Variants in C11orf65 observed in about 807,000 individuals in gnomAD.
C11orf65 encodes the protein chromosome 11 open reading frame 65.
In C11orf65, 38 loss-of-function variants were observed where a neutral mutation model predicts 35.3. The ratio of observed to expected loss-of-function variants is 1.08; its 90% confidence interval spans 0.83 to 1.41. The LOEUF (loss-of-function observed/expected upper bound fraction) is 1.41. C11orf65 is among the 40% of genes most tolerant of loss of function. The pLI, the probability that C11orf65 is intolerant of heterozygous loss-of-function variation, is 0.00. For missense variants in C11orf65, 370 were observed against 367.1 expected (o/e 1.01, Z -0.06); for synonymous variants, 105 against 114.4 (o/e 0.92, Z 0.53).
chr11:108,345,680 T>C (rs1379618899), intron 2 of C11orf65: 1 of 1,277,630 alleles, frequency 7.8e-7, no homozygotes, highest in Non-Finnish European at 1.1e-6. Context: ...TATATAAAAA[T>C]GTGTATATTA....
At chr11:108,460,111 AAC>A (rs1031631897) in intron 2 of C11orf65, among the ~76,000 whole-genome samples, 8 of 152,198 alleles carry the variant, frequency 5.3e-5, no homozygotes, top group Non-Finnish European at 5.9e-5. Context: ...ATCTTAAAAA[AAC>A]ACATATTATT....
At chr11:108,408,944 A>G (rs2092607250) in intron 3 of C11orf65, among the ~76,000 whole-genome samples, 1 of 152,016 alleles carries the variant, frequency 6.6e-6, no homozygotes, top group African/African-American at 2.4e-5. Context: ...TCTCTTGACT[A>G]AAACTTTTAT....
upstream of C11orf65, among the ~76,000 whole-genome samples, chr11:108,468,594 G>A (rs186757640): frequency 4.3e-4 from 65 of 152,262 alleles, 1 homozygote; most frequent in East Asian, 0.011. Context: ...CATTTGTACA[G>A]AAAAAATTCT....
intron 1 of C11orf65, chr11:108,462,430 C>T (rs1392500747): frequency 6.6e-6 from 1 of 152,178 alleles, no homozygotes; most frequent in Non-Finnish European, 1.5e-5. Context: ...ACAGATTTTG[C>T]TAATATGCTT....
downstream of C11orf65, among the ~76,000 whole-genome samples, chr11:108,378,036 C>T (rs1246282492): frequency 5.5e-3 from 831 of 150,174 alleles, 8 homozygotes; most frequent in African/African-American, 0.019. Flanking sequence ...GAATCAATAT[C>T]GTGAAAATGG....
intron 2 of C11orf65, among the ~76,000 whole-genome samples, chr11:108,362,971 AAAC>A (rs1375522608): frequency 1.3e-5 from 2 of 149,616 alleles, no homozygotes; most frequent in African/African-American, 2.5e-5. Flanking sequence ...CTAAAAAAAC[AAAC>A]AACAAAACAA....
intron 7 of C11orf65, among the ~76,000 whole-genome samples, chr11:108,389,855 C>T (rs1303878285): frequency 4.0e-5 from 6 of 151,586 alleles, no homozygotes; most frequent in African/African-American, 4.8e-5. Context: ...CCACCACGCC[C>T]GGCTAATTTT....
intron 2 of C11orf65, chr11:108,354,936 CAGGA>C: frequency 7.5e-7 from 1 of 1,338,090 alleles, no homozygotes; most frequent in Non-Finnish European, 1.1e-6. Flanking sequence ...TGTATCTCAT[CAGGA>C]AGTCACTGAT....
chr11:108,347,244 A>T (rs1019086453), intron 2 of C11orf65: 1 of 1,409,868 alleles, frequency 7.1e-7, no homozygotes, highest in African/African-American at 1.4e-5. Flanking sequence ...AGATGGAATC[A>T]GTGATTTCAG....
chr11:108,358,470 A>T (rs2090310714), intron 2 of C11orf65, among the ~76,000 whole-genome samples: 2 of 151,004 alleles, frequency 1.3e-5, no homozygotes, highest in African/African-American at 4.9e-5. Context: ...CTTTGAGAAG[A>T]GCAACTCCAA....
chr11:108,395,679 G>A (rs1412038325), intron 6 of C11orf65, among the ~76,000 whole-genome samples: 1 of 136,298 alleles, frequency 7.3e-6, no homozygotes, highest in Non-Finnish European at 1.5e-5. Flanking sequence ...GGAGTGCAGT[G>A]GCGCCATCTC....
At chr11:108,349,557 G>A (rs1016181405) in intron 2 of C11orf65, among the ~76,000 whole-genome samples, 2 of 152,138 alleles carry the variant, frequency 1.3e-5, no homozygotes, top group Non-Finnish European at 1.5e-5. Flanking sequence ...CAGCTACTTG[G>A]GAGGCTGAGG....
intron 2 of C11orf65, among the ~76,000 whole-genome samples, chr11:108,456,333 T>C (rs2093411205): frequency 6.6e-6 from 1 of 152,204 alleles, no homozygotes. Flanking sequence ...ATGAACTTTG[T>C]ACCTCTAAGT....
chr11:108,459,247 A>ATT (rs200162315), intron 2 of C11orf65, among the ~76,000 whole-genome samples: 2 of 151,346 alleles, frequency 1.3e-5, no homozygotes, highest in African/African-American at 2.4e-5. Context: ...TTCATTTTTC[A>ATT]TTTTTTTTTA....
rs2138661598 is a variant in C11orf65, at chr11:108,407,024, G to A, written c.229-61C>T. On this transcript the variant is annotated intron_variant, in intron 4 of 8. Transcript: ENST00000393084. ...TAACTACAAAAATGTTTTACATTTT[G>A]AAAAATTACATTGTTTCAATTTCAT... 2.5e-6 allele frequency: 4 copies of A among 1,569,998 alleles called. No homozygotes were observed. The East Asian group carries it at 9.0e-5, about 35-fold the overall frequency.
At position 108,332,096 on chromosome 11, in the gene C11orf65, A is replaced by G. The variant is rs949346345; in HGVS notation, c.300-529T>C. ...TGTGATATTCAGTCTTTCCTAGAAT[A>G]TTTCTTTTTAAAATCTTGTGTTATT... On this transcript the variant is annotated intron_variant, in intron 3 of 3. Transcript: ENST00000524755. 14 of 1,589,768 alleles carry G rather than the reference A, an allele frequency of 8.8e-6. No homozygotes were observed. The African/African-American group carries it at 1.9e-4, about 22-fold the overall frequency.
rs777602049 is a variant in C11orf65, at chr11:108,335,843, A to G, written c.227-551T>C. 1 of 1,610,042 alleles carries G rather than the reference A, an allele frequency of 6.2e-7. No individual in the cohort carries two copies. The highest frequency in any genetic ancestry group is 8.5e-7 in the Non-Finnish European group (1 of 1,176,460). The stretch of plus-strand genomic sequence containing the variant: ...GTTTATTCATGCTTAATTATTCTGA[A>G]GGGCCGTGATGACCTGAGACAAGAT... On this transcript the variant is annotated intron_variant, in intron 2 of 3. Transcript: ENST00000524755.
intron 2 of C11orf65, among the ~76,000 whole-genome samples, chr11:108,459,248 T>C (rs1460530432): frequency 6.8e-6 from 1 of 146,708 alleles, no homozygotes; most frequent in Non-Finnish European, 1.5e-5. Context: ...TCATTTTTCA[T>C]TTTTTTTTAA....
At chr11:108,449,683 C>T (rs989485138) in intron 2 of C11orf65, among the ~76,000 whole-genome samples, 3 of 151,924 alleles carry the variant, frequency 2.0e-5, no homozygotes, top group Non-Finnish European at 4.4e-5. Context: ...TATAAAAACC[C>T]TGGAAGAAAA....
Sources: gnomAD v4.1 joint callset for allele counts (sites outside exome capture counted in the v4.1 genomes callset) on GRCh38, gnomAD v4.1.1 for gene constraint, MANE v1.5 for transcripts, NCBI Gene and HGNC (gene_info 2026-07-23, HGNC 2026-07-21) for gene names.